The following FOXP2 variants were observed in gnomAD, a reference collection of about 807,000 sequenced individuals.
FOXP2 encodes the protein forkhead box P2.
Under a neutral mutation model 115.8 loss-of-function variants are expected in FOXP2, and 12 were observed. The ratio of observed to expected loss-of-function variants is 0.10; its 90% CI spans 0.07 to 0.17. FOXP2 has a LOEUF of 0.17. Among genes scored for constraint, FOXP2 ranks in the 10% least tolerant of loss-of-function variants. The pLI, the probability that FOXP2 is intolerant of heterozygous loss-of-function variation, is 1.00. For missense variants in FOXP2, 629 were observed against 843.5 expected (o/e 0.75, Z 3.15); for synonymous variants, 328 against 297.7 (o/e 1.10, Z -1.05).
At chr7:114,270,768 C>T (rs1796014904) in intron 1 of FOXP2, among the ~76,000 whole-genome samples, 1 of 151,980 alleles carries the variant, frequency 6.6e-6, no homozygotes, top group African/African-American at 2.4e-5. Context: ...CTTATCTTCC[C>T]ATTCTTTTGT....
At chr7:114,093,661 A>G (rs889048062) in intron 1 of FOXP2, among the ~76,000 whole-genome samples, 1 of 151,792 alleles carries the variant, frequency 6.6e-6, no homozygotes, top group Non-Finnish European at 1.5e-5. Context: ...CCCATTTTAT[A>G]TCATATCACA....
At chr7:114,218,324 G>T (rs1794533951) in intron 1 of FOXP2, among the ~76,000 whole-genome samples, 1 of 152,090 alleles carries the variant, frequency 6.6e-6, no homozygotes, top group Non-Finnish European at 1.5e-5. Flanking sequence ...CAAATTCATG[G>T]GTTAGATACA....
At chr7:114,412,720 G>T (rs911509551), upstream of FOXP2, among the ~76,000 whole-genome samples, 2 of 152,094 alleles carry the variant, frequency 1.3e-5, no homozygotes, top group Non-Finnish European at 2.9e-5. Flanking sequence ...CTACAGAGAT[G>T]GGCTCTTGAC....
intron 2 of FOXP2, 93 bp downstream of exon 2, chr7:114,426,772 G>A: frequency 1.5e-6 from 2 of 1,307,860 alleles, no homozygotes; most frequent in South Asian, 1.3e-5. Context: ...AGCATGTTGT[G>A]TTAAGCTAAA....
intron 3 of FOXP2, among the ~76,000 whole-genome samples, chr7:114,557,102 C>G (rs1233316535): frequency 6.6e-6 from 1 of 152,080 alleles, no homozygotes. Flanking sequence ...ATTAATAAAT[C>G]TCTACATTAA....
intron 3 of FOXP2, among the ~76,000 whole-genome samples, chr7:114,565,100 ATT>A (rs34273757): frequency 6.9e-5 from 10 of 145,812 alleles, no homozygotes; most frequent in African/African-American, 2.5e-4. Flanking sequence ...TATGCAACCA[ATT>A]TTTTTTTTTT....
chr7:114,681,424 A>G (rs1299346985), intron 16 of FOXP2, among the ~76,000 whole-genome samples: 2 of 152,186 alleles, frequency 1.3e-5, no homozygotes, highest in Non-Finnish European at 2.9e-5. Flanking sequence ...AGATTTTTCT[A>G]GCTATATGTA....
At chr7:114,125,540 G>A (rs909538339) in intron 1 of FOXP2, among the ~76,000 whole-genome samples, 8 of 152,042 alleles carry the variant, frequency 5.3e-5, no homozygotes, top group Non-Finnish European at 1.2e-4. Flanking sequence ...GTTTTCAGGA[G>A]GGAATAAATA....
At chr7:114,527,972 T>G (rs1798953484) in intron 2 of FOXP2, among the ~76,000 whole-genome samples, 1 of 152,248 alleles carries the variant, frequency 6.6e-6, no homozygotes, top group Middle Eastern at 3.4e-3. Flanking sequence ...ATCCCTTATC[T>G]ATCCTTTACA....
At chr7:114,160,130 G>T (rs539193928), upstream of FOXP2, among the ~76,000 whole-genome samples, 1 of 152,286 alleles carries the variant, frequency 6.6e-6, no homozygotes, top group East Asian at 1.9e-4. Context: ...GCACAGAAAG[G>T]TGAGGGAAAA....
At chr7:114,310,150 T>G (rs1420325266) in intron 2 of FOXP2, among the ~76,000 whole-genome samples, 1 of 152,174 alleles carries the variant, frequency 6.6e-6, no homozygotes, top group Non-Finnish European at 1.5e-5. Context: ...GGAAACATCA[T>G]GAAGTTTCAG....
intron 1 of FOXP2, among the ~76,000 whole-genome samples, chr7:114,176,575 A>G (rs961550874): frequency 9.2e-5 from 14 of 151,674 alleles, no homozygotes; most frequent in Non-Finnish European, 1.8e-4. Flanking sequence ...TCCTGGTCTC[A>G]AGTGATTTGC....
intron 10 of FOXP2, among the ~76,000 whole-genome samples, chr7:114,654,576 G>T (rs1806468006): frequency 6.6e-6 from 1 of 152,112 alleles, no homozygotes; most frequent in East Asian, 1.9e-4. Flanking sequence ...ATCACAAAAA[G>T]AAGTGGGTGA....
intron 2 of FOXP2, among the ~76,000 whole-genome samples, chr7:114,447,322 C>A (rs1200324765): frequency 6.6e-6 from 1 of 151,986 alleles, no homozygotes; most frequent in Non-Finnish European, 1.5e-5. Flanking sequence ...CAAATTTGGG[C>A]ATGTCATGTC....
At chr7:114,229,867 TAGA>T (rs1257757936) in intron 1 of FOXP2, among the ~76,000 whole-genome samples, 1 of 151,468 alleles carries the variant, frequency 6.6e-6, no homozygotes, top group Non-Finnish European at 1.5e-5. Context: ...AAGCCAATGC[TAGA>T]AGAAGGAAGG....
In FOXP2 at chr7:114,468,840, C is replaced by G. The variant is rs564583437; in HGVS notation, c.168+42161C>G. 2.0e-5 allele frequency among the ~76,000 whole-genome samples: 3 copies of G among 152,218 alleles called. No homozygotes were observed. The East Asian group carries it at 5.8e-4, about 29-fold the overall frequency. On this transcript the variant is annotated intron_variant, in intron 2 of 16. Transcript: ENST00000350908. ...AACTTCCAATTCTCATCAGTTAACA[C>G]AGAATCTGACATGTAATAAGTGCTC...
chr7:114,121,398 C>T (rs1407307665), intron 1 of FOXP2, among the ~76,000 whole-genome samples: 2 of 151,958 alleles, frequency 1.3e-5, no homozygotes, highest in Admixed American at 6.6e-5. Flanking sequence ...ACTTTGTTAT[C>T]GCAGCCCAAA....
intron 2 of FOXP2, among the ~76,000 whole-genome samples, chr7:114,402,188 A>T (rs1231640054): frequency 6.6e-6 from 1 of 152,156 alleles, no homozygotes; most frequent in Non-Finnish European, 1.5e-5. Context: ...AAACAAATGA[A>T]ATAGAGATGA....
chr7:114,550,660 G>C (rs1478179318), intron 3 of FOXP2, among the ~76,000 whole-genome samples: 1 of 152,064 alleles, frequency 6.6e-6, no homozygotes, highest in African/African-American at 2.4e-5. Flanking sequence ...AGTGATTTCT[G>C]GTTCCTTGAG....
Sources: allele counts gnomAD v4.1 joint callset (sites outside exome capture counted in the v4.1 genomes callset), GRCh38; gene constraint gnomAD v4.1.1; transcripts MANE v1.5; gene names NCBI Gene and HGNC (gene_info 2026-07-23, HGNC 2026-07-21).